Variants in ZNF846 observed in about 807,000 individuals in gnomAD.
ZNF846 encodes zinc finger protein 846.
Under a neutral mutation model 16.0 loss-of-function variants are expected in ZNF846, and 15 were observed. The ratio of observed to expected loss-of-function variants is 0.94; its 90% confidence interval spans 0.63 to 1.45. The LOEUF (loss-of-function observed/expected upper bound fraction) is 1.45, where lower values mean the gene tolerates loss of function less well. Among genes scored for constraint, ZNF846 ranks in the 40% most tolerant of loss-of-function variants. The pLI, the probability that ZNF846 is intolerant of heterozygous loss-of-function variation, is 0.00. For missense variants in ZNF846, 714 were observed against 622.3 expected (o/e 1.15, Z -1.57); for synonymous variants, 229 against 212.0 (o/e 1.08, Z -0.70).
chr19:9,752,614 CAAAAAAAAA>C (rs34675292), downstream of ZNF846, among the ~76,000 whole-genome samples: 180 of 91,338 alleles, frequency 2.0e-3, no homozygotes, highest in Non-Finnish European at 2.9e-3. Flanking sequence ...GACTTCATCC[CAAAAAAAAA>C]AAAAAAAAAA....
At chr19:9,762,143 A>G (rs1305797392) in exon 4 of ZNF846, 2 of 1,613,966 alleles carry the variant, frequency 1.2e-6, no homozygotes, top group African/African-American at 2.7e-5. Context: ...CAGACATGAG[A>G]CTACGTTTGA....
chr19:9,777,037 C>T (rs1183072165), intron 1 of ZNF846, among the ~76,000 whole-genome samples: 1 of 151,460 alleles, frequency 6.6e-6, no homozygotes, highest in African/African-American at 2.4e-5. Context: ...GTATGCAGAG[C>T]AGGCAGGCCC....
chr19:9,767,181 G>A (rs2045330052), intron 1 of ZNF846, among the ~76,000 whole-genome samples: 1 of 151,582 alleles, frequency 6.6e-6, no homozygotes, highest in Non-Finnish European at 1.5e-5. Context: ...TGTTGCCCAG[G>A]CTGTAGTGCA....
chr19:9,785,516 C>T (rs1330283714), intron 1 of ZNF846, among the ~76,000 whole-genome samples: 1 of 146,596 alleles, frequency 6.8e-6, no homozygotes, highest in African/African-American at 2.5e-5. Context: ...CTCCCTTCAC[C>T]GACTCCCCGC....
intron 4 of ZNF846, among the ~76,000 whole-genome samples, chr19:9,760,659 C>T (rs2045210642): frequency 6.6e-6 from 1 of 151,000 alleles, no homozygotes; most frequent in South Asian, 2.1e-4. Context: ...CAAGATCATG[C>T]CATTGCACTC....
At chr19:9,760,039 C>T (rs2045199152) in intron 4 of ZNF846, 97 bp from the exon 5 acceptor site, 1 of 863,040 alleles carries the variant, frequency 1.2e-6, no homozygotes, top group Admixed American at 2.3e-5. Context: ...CACCTGTAAT[C>T]CTAGCACTTT....
chr19:9,779,880 C>CT (rs770205406), intron 1 of ZNF846, among the ~76,000 whole-genome samples: 186 of 140,522 alleles, frequency 1.3e-3, no homozygotes, highest in East Asian at 1.9e-3. Context: ...GCCATCACGA[C>CT]TTTTTTTTTT....
chr19:9,758,162 A>C (rs574907219), exon 6 of ZNF846: 1 of 1,613,364 alleles, frequency 6.2e-7, no homozygotes, highest in Admixed American at 1.7e-5. Flanking sequence ...GCTTCTTTCC[A>C]CTGTGGATTC....
downstream of ZNF846, among the ~76,000 whole-genome samples, chr19:9,753,219 A>AATTTATTTATTC (rs2045101608): frequency 7.4e-6 from 1 of 134,512 alleles, no homozygotes; most frequent in Non-Finnish European, 1.6e-5. Flanking sequence ...GAGGAGACAA[A>AATTTATTTATTC]ATTTATTTAT....
intron 2 of ZNF846, among the ~76,000 whole-genome samples, chr19:9,763,776 C>T (rs1015480933): frequency 2.0e-5 from 3 of 152,218 alleles, no homozygotes; most frequent in African/African-American, 4.8e-5. Context: ...CCCTTTCTTA[C>T]AATCTGTCAT....
downstream of ZNF846, among the ~76,000 whole-genome samples, chr19:9,749,542 CTTTCTT>C (rs1333150299): frequency 7.5e-6 from 1 of 133,698 alleles, no homozygotes; most frequent in Admixed American, 7.9e-5. Context: ...CCTGATAAGT[CTTTCTT>C]TTTTTTTTTT....
intron 1 of ZNF846, among the ~76,000 whole-genome samples, chr19:9,785,651 C>T: frequency 1.0e-5 from 1 of 100,168 alleles, no homozygotes; most frequent in Non-Finnish European, 2.1e-5. Flanking sequence ...CCATCTCTCC[C>T]TCACCGAGAC....
At chr19:9,755,497 T>C (rs1012011191), downstream of ZNF846, 1 of 151,368 alleles carries the variant, frequency 6.6e-6, no homozygotes, top group Admixed American at 6.6e-5. Flanking sequence ...TTAAGGAATA[T>C]GTACTGCTAA....
intron 1 of ZNF846, among the ~76,000 whole-genome samples, chr19:9,767,191 A>G (rs1317223319): frequency 6.6e-6 from 1 of 151,768 alleles, no homozygotes; most frequent in African/African-American, 2.4e-5. Context: ...GCTGTAGTGC[A>G]TTGCCACGAT....
chr19:9,757,259 C>T (rs1223952936), downstream of ZNF846, among the ~76,000 whole-genome samples: 1 of 151,226 alleles, frequency 6.6e-6, no homozygotes, highest in Non-Finnish European at 1.5e-5. Context: ...GCCTTAGAAC[C>T]AGATTTTTCT....
In ZNF846 at chr19:9,758,079, G is replaced by T. The variant is rs749905536; in HGVS notation, c.998C>A (p.Thr333Asn). The T allele has an allele frequency of 1.2e-6, 2 of 1,613,456 alleles. No individual in the cohort carries two copies. The highest frequency in any genetic ancestry group is 4.5e-5 in the East Asian group (2 of 44,854). ...CTTACATTCATATGGCTTTTCTCCA[G>T]TGTGAATTCGCATGTGTAAAATAAG... The change falls in exon 6 of 6, where the codon ACT (threonine) becomes AAT (asparagine). Residue 333 changes from threonine (T) to asparagine (N), a missense_variant. Transcript: ENST00000397902.
chr19:9,783,131 C>T (rs1176063125), intron 1 of ZNF846, among the ~76,000 whole-genome samples: 3 of 151,508 alleles, frequency 2.0e-5, no homozygotes, highest in Non-Finnish European at 4.4e-5. Context: ...CTATCTTGCC[C>T]AGGCTGCTCT....
intron 1 of ZNF846, among the ~76,000 whole-genome samples, chr19:9,773,996 C>T (rs1006904088): frequency 6.6e-6 from 1 of 152,058 alleles, no homozygotes; most frequent in Non-Finnish European, 1.5e-5. Flanking sequence ...TGTAGAATAA[C>T]ATAAAGATAC....
chr19:9,751,651 G>A (rs920037776), downstream of ZNF846, among the ~76,000 whole-genome samples: 1 of 151,896 alleles, frequency 6.6e-6, no homozygotes, highest in African/African-American at 2.4e-5. Context: ...AATGTACTTT[G>A]TAACATCCTC....
Sources: gnomAD v4.1 joint callset for allele counts (sites outside exome capture counted in the v4.1 genomes callset) on GRCh38, gnomAD v4.1.1 for gene constraint, MANE v1.5 for transcripts, NCBI Gene and HGNC (gene_info 2026-07-23, HGNC 2026-07-21) for gene names.